Variants in RARB observed in about 807,000 individuals in gnomAD.
RARB encodes the protein HBV-activated protein.
RARB carries 17 observed loss-of-function variants against 51.9 expected under a neutral mutation model. That is an observed-to-expected ratio of 0.33 (90% CI 0.22 to 0.49). The LOEUF (loss-of-function observed/expected upper bound fraction) is 0.49. RARB is among the 20% of genes least tolerant of loss of function. The pLI is 0.99. For missense variants in RARB, 369 were observed against 550.8 expected (o/e 0.67, Z 3.30); for synonymous variants, 215 against 195.4 (o/e 1.10, Z -0.84).
At chr3:24,837,576 C>T (rs1253422769) in intron 1 of RARB, among the ~76,000 whole-genome samples, 2 of 152,180 alleles carry the variant, frequency 1.3e-5, no homozygotes, top group African/African-American at 4.8e-5. Context: ...AGAGATAGTG[C>T]TGAAACATTT....
chr3:24,993,729 T>G (rs114146307), intron 2 of RARB, among the ~76,000 whole-genome samples: 1 of 152,124 alleles, frequency 6.6e-6, no homozygotes, highest in African/African-American at 2.4e-5. Context: ...TATCAAAATT[T>G]TTTAGCTTTT....
intron 2 of RARB, among the ~76,000 whole-genome samples, chr3:24,890,110 T>C (rs1703349116): frequency 6.6e-6 from 1 of 152,206 alleles, no homozygotes; most frequent in African/African-American, 2.4e-5. Context: ...GGCTTACTAC[T>C]ATTTGTCTTA....
chr3:25,006,039 C>G (rs1333601869), intron 2 of RARB, among the ~76,000 whole-genome samples: 1 of 152,052 alleles, frequency 6.6e-6, no homozygotes, highest in African/African-American at 2.4e-5. Context: ...TCACTGTTCC[C>G]TTTGACTGAA....
At chr3:25,029,812 G>T (rs964614020) in intron 2 of RARB, among the ~76,000 whole-genome samples, 1 of 152,204 alleles carries the variant, frequency 6.6e-6, no homozygotes, top group Non-Finnish European at 1.5e-5. Context: ...ATCCAAATGG[G>T]AAAAGGAAAT....
chr3:25,234,530 A>G (rs756683485), intron 5 of RARB, among the ~76,000 whole-genome samples: 1 of 151,874 alleles, frequency 6.6e-6, no homozygotes, highest in South Asian at 2.1e-4. Flanking sequence ...TCTTCTATCT[A>G]TATCATTTCT....
intron 2 of RARB, among the ~76,000 whole-genome samples, chr3:24,920,228 A>T (rs1695189282): frequency 6.6e-6 from 1 of 152,194 alleles, no homozygotes; most frequent in South Asian, 2.1e-4. Flanking sequence ...AAGTCCTTAA[A>T]AATAGTCCAC....
At chr3:24,876,713 G>T (rs1282903124) in intron 2 of RARB, among the ~76,000 whole-genome samples, 1 of 152,058 alleles carries the variant, frequency 6.6e-6, no homozygotes, top group Non-Finnish European at 1.5e-5. Context: ...TATATTAATT[G>T]CTGGAAATCT....
chr3:25,278,135 T>A (rs1703436603), intron 5 of RARB, among the ~76,000 whole-genome samples: 1 of 152,216 alleles, frequency 6.6e-6, no homozygotes, highest in Non-Finnish European at 1.5e-5. Context: ...ACGGCCATTA[T>A]GAGCATTGTA....
intron 5 of RARB, among the ~76,000 whole-genome samples, chr3:25,332,930 C>T (rs983657638): frequency 2.0e-5 from 3 of 152,114 alleles, no homozygotes; most frequent in Admixed American, 1.3e-4. Flanking sequence ...TTCACAATTG[C>T]TTCAAAGAGA....
chr3:25,252,034 T>C (rs558414730), intron 5 of RARB, among the ~76,000 whole-genome samples: 37 of 152,306 alleles, frequency 2.4e-4, no homozygotes, highest in Non-Finnish European at 4.7e-4. Flanking sequence ...AATTTTTGTA[T>C]ATGATGTGAG....
intron 2 of RARB, among the ~76,000 whole-genome samples, chr3:24,980,994 T>G (rs1229631316): frequency 6.0e-5 from 9 of 150,378 alleles, no homozygotes; most frequent in African/African-American, 1.9e-4. Flanking sequence ...TCCTTTCGTT[T>G]TGTTAGTTTT....
chr3:25,483,901 A>G (rs971047069), intron 2 of RARB, among the ~76,000 whole-genome samples: 2 of 152,232 alleles, frequency 1.3e-5, no homozygotes, highest in African/African-American at 2.4e-5. Context: ...TCTCAAGTGC[A>G]TATTGGGCAC....
chr3:24,955,734 G>C (rs899829406), intron 2 of RARB, among the ~76,000 whole-genome samples: 1 of 151,896 alleles, frequency 6.6e-6, no homozygotes, highest in African/African-American at 2.4e-5. Flanking sequence ...AATTTTTTTC[G>C]GGAGCAATAA....
chr3:25,159,951 C>T (rs79890434), intron 4 of RARB, among the ~76,000 whole-genome samples: 14 of 152,266 alleles, frequency 9.2e-5, no homozygotes, highest in South Asian at 2.1e-4. Context: ...CATTCTTTCT[C>T]CTCCCAACTC....
In RARB at chr3:24,998,587, G is replaced by C. The variant is rs146914415; in HGVS notation, c.-379-61538G>C. Among the ~76,000 whole-genome samples, 356 of 152,158 alleles carry C rather than the reference G, an allele frequency of 2.3e-3. 1 individual carries two copies. Among genetic ancestry groups the C allele is most frequent in the African/African-American group, 8.0e-3 (331 of 41,530 alleles). On this transcript the variant is annotated intron_variant, in intron 2 of 11. Transcript: ENST00000383772. ...TAATGGGCCTCAGGCCACATGTTCTGTTCTGTTTGCCTTTTATCCTAAGGA... is the reference window on the plus strand; with the variant it reads ...TAATGGGCCTCAGGCCACATGTTCTCTTCTGTTTGCCTTTTATCCTAAGGA...
At chr3:25,216,690 G>A (rs542510785) in intron 5 of RARB, among the ~76,000 whole-genome samples, 2 of 151,052 alleles carry the variant, frequency 1.3e-5, no homozygotes, top group East Asian at 3.9e-4. Flanking sequence ...CATTCTGCAC[G>A]TGTATCCTGT....
chr3:25,448,395 A>T (rs1279422237), intron 1 of RARB, among the ~76,000 whole-genome samples: 1 of 146,318 alleles, frequency 6.8e-6, no homozygotes, highest in East Asian at 2.0e-4. Flanking sequence ...ACTGCTCTGA[A>T]GGAAAAAAAA....
intron 2 of RARB, among the ~76,000 whole-genome samples, chr3:24,929,461 G>A (rs1432427467): frequency 1.3e-5 from 2 of 152,038 alleles, no homozygotes; most frequent in African/African-American, 4.8e-5. Flanking sequence ...TTATAATATG[G>A]TTTTGGAACT....
At chr3:25,256,082 C>T (rs1404671026) in intron 5 of RARB, among the ~76,000 whole-genome samples, 1 of 151,984 alleles carries the variant, frequency 6.6e-6, no homozygotes, top group Non-Finnish European at 1.5e-5. Flanking sequence ...AACAAATCTC[C>T]AATACCTTAA....
Sources: gnomAD v4.1 joint callset for allele counts (sites outside exome capture counted in the v4.1 genomes callset) on GRCh38, gnomAD v4.1.1 for gene constraint, MANE v1.5 for transcripts, NCBI Gene and HGNC (gene_info 2026-07-23, HGNC 2026-07-21) for gene names.